Variants in MTA1 observed in about 807,000 individuals in gnomAD.
MTA1 encodes the protein metastasis associated 1, also known as metastasis-associated protein MTA1.
A neutral mutation model predicts 97.0 loss-of-function variants in MTA1; 15 were observed. The ratio of observed to expected loss-of-function variants is 0.15; its 90% CI spans 0.10 to 0.24. MTA1 has a LOEUF of 0.24. MTA1 is among the 10% of genes least tolerant of loss of function. The pLI is 1.00. For synonymous variants in MTA1, 435 were observed against 417.5 expected, an observed-to-expected ratio of 1.04 and a Z score of -0.51; for missense variants, 709 against 1,015.1, an observed-to-expected ratio of 0.70 and a Z score of 4.10.
chr14:105,439,521 C>T (rs1386872107), intron 2 of MTA1, among the ~76,000 whole-genome samples: 13 of 152,182 alleles, frequency 8.5e-5, no homozygotes, highest in South Asian at 4.1e-4. Flanking sequence ...AGGTGTAGGG[C>T]GCCCGCACAC....
chr14:105,466,759 C>A lies in MTA1; in HGVS notation c.1813+17C>A, dbSNP rs374207178. 5.7e-6 allele frequency: 9 copies of A among 1,566,432 alleles called. No homozygotes were observed. The Admixed American group carries it at 1.5e-4, about 26-fold the overall frequency. On this transcript the variant is annotated intron_variant, in intron 18 of 20. Transcript: ENST00000331320. ...CCAGTAGGGGTAAGGCCTGGAGCCG[C>A]GGGCGGGCGCTGCGCCGGCCCCGCC...
At chr14:105,457,288 AAC>A (rs1484455020) in intron 7 of MTA1, among the ~76,000 whole-genome samples, 1 of 152,242 alleles carries the variant, frequency 6.6e-6, no homozygotes, top group Non-Finnish European at 1.5e-5. Context: ...GGTGTCTCCC[AAC>A]ACCACGGTCT....
At chr14:105,438,367 C>A (rs1193674548) in intron 1 of MTA1, among the ~76,000 whole-genome samples, 1 of 152,180 alleles carries the variant, frequency 6.6e-6, no homozygotes, top group Non-Finnish European at 1.5e-5. Context: ...CCAAGAAGGG[C>A]CTGAGCCCTT....
chr14:105,468,129 G>A (rs1454088120), intron 18 of MTA1: 1 of 388,788 alleles, frequency 2.6e-6, no homozygotes, highest in African/African-American at 2.1e-5. Flanking sequence ...CGCACACGAG[G>A]TGGGGTCTCT....
At position 105,466,069 on chromosome 14, in the gene MTA1, G is replaced by C. The variant is rs111700785; in HGVS notation, c.1625-357G>C. 145 of 253,910 alleles carry C rather than the reference G, an allele frequency of 5.7e-4. 1 individual carries two copies. The highest frequency in any genetic ancestry group is 3.0e-3 in the African/African-American group (130 of 43,244). 15.7% of individuals were successfully genotyped at this position (253,910 alleles called of 1,614,324 possible). On this transcript the variant is annotated intron_variant, in intron 16 of 20. Transcript: ENST00000331320. Reference sequence around the variant, plus strand: ...ACGAGCAGCCAGCCCTCCACCAGCAGCTCCGGGGGCCTGGACGTGGGGGCT... The same window carrying C: ...ACGAGCAGCCAGCCCTCCACCAGCACCTCCGGGGGCCTGGACGTGGGGGCT...
At position 105,422,198 on chromosome 14, in the gene MTA1, C is replaced by G. The variant is rs2081862124; in HGVS notation, c.28+2135C>G. ...CTCCCCCTCTCTACTCTGACTGTCC[C>G]TATAGGAGAAGCGGCATTTATCCCT... On this transcript the variant is annotated intron_variant, in intron 1 of 20. Transcript: ENST00000331320. The surrounding 1 kb of genome is among the most constrained non-coding windows in gnomAD (Gnocchi z 4.3). Among the ~76,000 whole-genome samples, 1 of 152,170 alleles carries G rather than the reference C, an allele frequency of 6.6e-6. No homozygotes were observed. The highest frequency in any genetic ancestry group is 1.5e-5 in the Non-Finnish European group (1 of 68,026).
chr14:105,470,621 G>A lies in MTA1; in HGVS notation c.*406G>A, dbSNP rs893719829. On this transcript the variant is annotated 3_prime_UTR_variant, in exon 21 of 21. Coordinates refer to ENST00000331320, the MANE Select transcript of MTA1 (RefSeq NM_004689.4). ...TACACCTGGAATGTTAGGATCGTGC[G>A]GCCGCGGCCGGCCGAGCTGCCTGGC... The A allele has an allele frequency of 5.9e-5, 10 of 168,392 alleles. No individual in the cohort carries two copies. Among genetic ancestry groups the A allele is most frequent in the Non-Finnish European group, 1.1e-4 (9 of 79,490 alleles). 10.4% of individuals were successfully genotyped at this position (168,392 alleles called of 1,614,324 possible). A position where few individuals can be genotyped will look rare whatever the true frequency, so the allele number is the denominator to read the frequency against.
intron 3 of MTA1, among the ~76,000 whole-genome samples, chr14:105,448,283 G>C (rs1312479598): frequency 2.0e-5 from 3 of 152,110 alleles, no homozygotes; most frequent in Admixed American, 6.5e-5. Flanking sequence ...CCTCCTGCCT[G>C]GGTGTTTCTG....
chr14:105,442,438 C>T (rs1235528107), intron 2 of MTA1, among the ~76,000 whole-genome samples: 3 of 152,258 alleles, frequency 2.0e-5, no homozygotes, highest in Non-Finnish European at 4.4e-5. Context: ...AGGGGCCTCG[C>T]AGGCGCCCTG....
chr14:105,443,404 C>T (rs2082610797), intron 2 of MTA1, among the ~76,000 whole-genome samples: 1 of 152,216 alleles, frequency 6.6e-6, no homozygotes, highest in Non-Finnish European at 1.5e-5. Flanking sequence ...CAAGGTCTTG[C>T]TCTTTTGCTC....
At chr14:105,465,208 G>T (rs1555432432) in intron 16 of MTA1, 25 bp downstream of exon 16, 3 of 1,486,400 alleles carry the variant, frequency 2.0e-6, no homozygotes, top group Admixed American at 2.2e-5. Flanking sequence ...GTGCTGGGGG[G>T]CTCCCAATGC....
intron 1 of MTA1, among the ~76,000 whole-genome samples, chr14:105,431,834 CAGGCT>C (rs1471713677): frequency 6.6e-6 from 1 of 152,060 alleles, no homozygotes; most frequent in Non-Finnish European, 1.5e-5. Flanking sequence ...CCATGTTGGG[CAGGCT>C]GGTCTCAAAC....
At chr14:105,423,222 T>TTC in intron 1 of MTA1, among the ~76,000 whole-genome samples, 1 of 146,190 alleles carries the variant, frequency 6.8e-6, no homozygotes, top group African/African-American at 2.5e-5. Flanking sequence ...TTAATTTTTT[T>TTC]TTTTTTTTTT....
chr14:105,428,193 G>C (rs2082069828), intron 1 of MTA1, among the ~76,000 whole-genome samples: 1 of 152,034 alleles, frequency 6.6e-6, no homozygotes, highest in Admixed American at 6.6e-5. Flanking sequence ...TTCTCCCCCA[G>C]CTCCCAGCAA....
chr14:105,466,843 T>G, intron 18 of MTA1, 101 bp downstream of exon 18: 2 of 1,256,732 alleles, frequency 1.6e-6, no homozygotes, highest in Non-Finnish European at 2.2e-6. Context: ...GGGCCCATGC[T>G]TGGGGCAGTC....
intron 4 of MTA1, among the ~76,000 whole-genome samples, chr14:105,449,620 G>A (rs2082846146): frequency 6.6e-6 from 1 of 152,216 alleles, no homozygotes; most frequent in Non-Finnish European, 1.5e-5. Context: ...GCTGGTGTGG[G>A]AGGTCTGTGG....
At chr14:105,453,384 G>A (rs1343568102) in intron 6 of MTA1, among the ~76,000 whole-genome samples, 1 of 152,238 alleles carries the variant, frequency 6.6e-6, no homozygotes, top group Non-Finnish European at 1.5e-5. Context: ...CATAGCACAC[G>A]CCTGTAGTCT....
At chr14:105,441,670 T>G (rs2082526607) in intron 2 of MTA1, among the ~76,000 whole-genome samples, 1 of 152,122 alleles carries the variant, frequency 6.6e-6, no homozygotes, top group African/African-American at 2.4e-5. Flanking sequence ...GGCGGGCGCC[T>G]GTGATCCCAG....
rs899047977 is a variant in MTA1, at chr14:105,422,657, A to G, written c.28+2594A>G. ...TGGCATGGGACATACTTGTCCCAGA[A>G]GATTCTTATCTGACATTCACAGTTA... On this transcript the variant is annotated intron_variant, in intron 1 of 20. Transcript: ENST00000331320. The surrounding 1 kb of genome is among the most constrained non-coding windows in gnomAD (Gnocchi z 4.3). Among the ~76,000 whole-genome samples the G allele has an allele frequency of 3.3e-5, 5 of 152,222 alleles. No individual in the cohort carries two copies. The highest frequency in any genetic ancestry group is 2.9e-5 in the Non-Finnish European group (2 of 68,032).
Sources: allele counts gnomAD v4.1 joint callset (sites outside exome capture counted in the v4.1 genomes callset), GRCh38; gene constraint gnomAD v4.1.1; non-coding constraint Gnocchi (gnomAD v3.1); transcripts MANE v1.5; gene names NCBI Gene and HGNC (gene_info 2026-07-23, HGNC 2026-07-21).